Variants in TBC1D5 observed in about 807,000 individuals in gnomAD.
TBC1D5 encodes the protein TBC1 domain family member 5.
Under a neutral mutation model 100.3 loss-of-function variants are expected in TBC1D5, and 75 were observed. That is an observed-to-expected ratio of 0.75 (90% CI 0.62 to 0.91). TBC1D5 has a LOEUF of 0.91. Among genes scored for constraint, TBC1D5 ranks in the 40% least tolerant of loss-of-function variants. The probability of loss-of-function intolerance (pLI) is 0.00; values close to 1 mark genes in which losing one functional copy is unlikely to be tolerated. For synonymous variants in TBC1D5, 323 were observed against 325.6 expected, an observed-to-expected ratio of 0.99 and a Z score of 0.09; for missense variants, 910 against 942.4, an observed-to-expected ratio of 0.97 and a Z score of 0.45.
intron 17 of TBC1D5, among the ~76,000 whole-genome samples, chr3:17,219,824 T>C (rs2074077071): frequency 6.6e-6 from 1 of 152,102 alleles, no homozygotes; most frequent in Non-Finnish European, 1.5e-5. Flanking sequence ...TTCCTTGATG[T>C]CATCCTTTGG....
intron 3 of TBC1D5, among the ~76,000 whole-genome samples, chr3:17,484,804 T>C (rs906733472): frequency 6.6e-6 from 1 of 152,072 alleles, no homozygotes; most frequent in African/African-American, 2.4e-5. Context: ...GTATATATGC[T>C]ACCATAGACT....
intron 16 of TBC1D5, 137 bp from the exon 17 acceptor site, chr3:17,238,556 G>T (rs943699703): frequency 3.0e-6 from 3 of 1,011,534 alleles, no homozygotes; most frequent in Non-Finnish European, 4.1e-6. Flanking sequence ...AGTGAGAAGT[G>T]AAAAATTTAA....
chr3:17,601,292 C>A (rs963462384), intron 2 of TBC1D5, among the ~76,000 whole-genome samples: 5 of 152,168 alleles, frequency 3.3e-5, no homozygotes, highest in Admixed American at 6.5e-5. Context: ...GGGTGGATCA[C>A]CTGAGGTCGG....
intron 1 of TBC1D5, among the ~76,000 whole-genome samples, chr3:17,696,135 C>A (rs1428629182): frequency 2.0e-5 from 3 of 151,804 alleles, no homozygotes; most frequent in Admixed American, 2.0e-4. Context: ...TAAATGCCCA[C>A]AGAAGAAAGC....
chr3:17,381,302 T>C (rs1412794857), intron 9 of TBC1D5, among the ~76,000 whole-genome samples: 3 of 152,098 alleles, frequency 2.0e-5, no homozygotes, highest in Non-Finnish European at 4.4e-5. Flanking sequence ...TTATAAGACT[T>C]CCTTAATCTA....
chr3:17,705,098 G>C, intron 1 of TBC1D5, among the ~76,000 whole-genome samples: 1 of 128,500 alleles, frequency 7.8e-6, no homozygotes, highest in South Asian at 2.7e-4. Flanking sequence ...CCAGGCGGGG[G>C]GCTGACCCCC....
At chr3:17,366,648 G>A (rs2151961400) in intron 13 of TBC1D5, among the ~76,000 whole-genome samples, 1 of 152,050 alleles carries the variant, frequency 6.6e-6, no homozygotes, top group African/African-American at 2.4e-5. Flanking sequence ...CTGTGTTTAG[G>A]AAGTTCTTAA....
intron 13 of TBC1D5, among the ~76,000 whole-genome samples, chr3:17,336,604 C>T (rs566731249): frequency 2.1e-4 from 32 of 151,830 alleles, no homozygotes; most frequent in Middle Eastern, 3.4e-3. Flanking sequence ...GTGGCACCCA[C>T]GTCAAGAAAG....
At chr3:17,198,511 T>C (rs556234618) in intron 18 of TBC1D5, among the ~76,000 whole-genome samples, 3 of 152,338 alleles carry the variant, frequency 2.0e-5, no homozygotes, top group African/African-American at 7.2e-5. Context: ...AAGATACTTA[T>C]ACTAAAAAAT....
chr3:17,390,571 T>C (rs1346537108), intron 8 of TBC1D5, among the ~76,000 whole-genome samples: 1 of 152,030 alleles, frequency 6.6e-6, no homozygotes, highest in African/African-American at 2.4e-5. Flanking sequence ...TTTATAATCA[T>C]GCAATAGGAC....
intron 3 of TBC1D5, among the ~76,000 whole-genome samples, chr3:17,483,740 A>T (rs1390695934): frequency 6.6e-6 from 1 of 152,218 alleles, no homozygotes; most frequent in Non-Finnish European, 1.5e-5. Flanking sequence ...GAAATTTAAC[A>T]AGACAAAAGA....
At chr3:17,633,781 A>C (rs868689775) in intron 1 of TBC1D5, among the ~76,000 whole-genome samples, 1 of 152,292 alleles carries the variant, frequency 6.6e-6, no homozygotes, top group South Asian at 2.1e-4. Flanking sequence ...AAAATTATAA[A>C]TACTACAGGA....
At chr3:17,456,208 A>G (rs983088549) in intron 3 of TBC1D5, among the ~76,000 whole-genome samples, 1 of 152,064 alleles carries the variant, frequency 6.6e-6, no homozygotes, top group Non-Finnish European at 1.5e-5. Context: ...ACAAAAAAAA[A>G]TCTGGGAAAC....
At chr3:17,223,787 G>A (rs960606869) in intron 17 of TBC1D5, among the ~76,000 whole-genome samples, 3 of 152,020 alleles carry the variant, frequency 2.0e-5, no homozygotes, top group Non-Finnish European at 2.9e-5. Context: ...GAACCCTGTA[G>A]TCCCAGCTAC....
chr3:17,618,700 T>G (rs891908816), intron 2 of TBC1D5, among the ~76,000 whole-genome samples: 2 of 152,366 alleles, frequency 1.3e-5, no homozygotes, highest in African/African-American at 4.8e-5. Flanking sequence ...GCATGGGACC[T>G]GCTGAGCCAG....
At chr3:17,536,671 T>C (rs748359859) in intron 2 of TBC1D5, among the ~76,000 whole-genome samples, 4 of 152,188 alleles carry the variant, frequency 2.6e-5, no homozygotes, top group Non-Finnish European at 5.9e-5. Flanking sequence ...GGTTTGGTTT[T>C]ATGCATGTTA....
intron 15 of TBC1D5, among the ~76,000 whole-genome samples, chr3:17,276,448 G>A (rs1253991625): frequency 1.3e-5 from 2 of 152,212 alleles, no homozygotes; most frequent in African/African-American, 4.8e-5. Flanking sequence ...TGTCAGTCTT[G>A]TAGCTGCTCT....
At chr3:17,532,444 T>C (rs1390527507) in intron 2 of TBC1D5, among the ~76,000 whole-genome samples, 1 of 152,208 alleles carries the variant, frequency 6.6e-6, no homozygotes, top group Non-Finnish European at 1.5e-5. Flanking sequence ...CTCAGGGATC[T>C]AGAACTAGAA....
chr3:17,503,468 G>A (rs924183108), intron 3 of TBC1D5, among the ~76,000 whole-genome samples: 1 of 149,434 alleles, frequency 6.7e-6, no homozygotes, highest in Non-Finnish European at 1.5e-5. Context: ...AAACACCATG[G>A]TATCTTTTTC....
Sources: allele counts gnomAD v4.1 joint callset (sites outside exome capture counted in the v4.1 genomes callset), GRCh38; gene constraint gnomAD v4.1.1; transcripts MANE v1.5; gene names NCBI Gene and HGNC (gene_info 2026-07-23, HGNC 2026-07-21).